ZFHX3: variants seen among roughly 807,000 people sequenced by gnomAD.
The protein encoded by ZFHX3 is zinc finger homeobox 3, also known as zinc finger homeobox protein 3.
In ZFHX3, 42 loss-of-function variants were observed where a neutral mutation model predicts 279.1. The ratio of observed to expected loss-of-function variants is 0.15; its 90% CI spans 0.12 to 0.19. The LOEUF (loss-of-function observed/expected upper bound fraction) is 0.19. Among genes scored for constraint, ZFHX3 ranks in the 10% least tolerant of loss-of-function variants. ZFHX3 has a pLI of 1.00. For synonymous variants in ZFHX3, 2,293 were observed against 1,957.8 expected (o/e 1.17, Z -4.52); for missense variants, 4,981 against 4,754.0 (o/e 1.05, Z -1.40).
chr16:73,870,349 C>T (rs532886369), intron 1 of ZFHX3, among the ~76,000 whole-genome samples: 2 of 152,262 alleles, frequency 1.3e-5, no homozygotes, highest in East Asian at 3.9e-4. Context: ...GCAGCCAATC[C>T]TGGGAATCAC....
chr16:72,949,563 T>A (rs1410177114), intron 3 of ZFHX3, among the ~76,000 whole-genome samples: 2 of 151,856 alleles, frequency 1.3e-5, no homozygotes, highest in Non-Finnish European at 2.9e-5. Context: ...TCCCCCTCGG[T>A]TGCCGTCTAT....
exon 8 of ZFHX3, chr16:73,093,524 T>G (rs1418680898): frequency 2.0e-6 from 1 of 506,060 alleles, no homozygotes. Context: ...CCCTGTCCAC[T>G]CTCGGGCTGT....
intron 6 of ZFHX3, among the ~76,000 whole-genome samples, chr16:73,131,806 C>T (rs1966688565): frequency 6.6e-6 from 1 of 152,152 alleles, no homozygotes; most frequent in African/African-American, 2.4e-5. Context: ...ATGATCTCGG[C>T]AACTCACATT....
At chr16:73,597,362 C>T (rs1282623442) in intron 2 of ZFHX3, among the ~76,000 whole-genome samples, 2 of 152,174 alleles carry the variant, frequency 1.3e-5, no homozygotes, top group African/African-American at 4.8e-5. Flanking sequence ...CCTTCTCTCA[C>T]TCAGGAGGGC....
chr16:73,844,002 A>G, intron 1 of ZFHX3, among the ~76,000 whole-genome samples: 1 of 152,244 alleles, frequency 6.6e-6, no homozygotes, highest in Non-Finnish European at 1.5e-5. Context: ...CTGCCAGGCC[A>G]TACAAAATTA....
intron 3 of ZFHX3, among the ~76,000 whole-genome samples, chr16:72,906,907 G>C (rs2039189420): frequency 6.6e-6 from 1 of 152,188 alleles, no homozygotes; most frequent in African/African-American, 2.4e-5. Context: ...ACTAGAGAGA[G>C]GACTGCCCAG....
chr16:73,523,291 A>G (rs1469882391), intron 2 of ZFHX3, among the ~76,000 whole-genome samples: 2 of 152,224 alleles, frequency 1.3e-5, no homozygotes, highest in African/African-American at 4.8e-5. Context: ...GCTTGGTACA[A>G]TGAGATCTCT....
At chr16:73,197,365 G>A (rs1253693825) in intron 5 of ZFHX3, among the ~76,000 whole-genome samples, 2 of 152,224 alleles carry the variant, frequency 1.3e-5, no homozygotes, top group Admixed American at 1.3e-4. Flanking sequence ...ATGAGCACAT[G>A]AAGTAGAGGA....
At chr16:72,821,310 T>G (rs919463405) in intron 5 of ZFHX3, among the ~76,000 whole-genome samples, 3 of 152,194 alleles carry the variant, frequency 2.0e-5, no homozygotes, top group African/African-American at 7.2e-5. Context: ...TTCTCCACTT[T>G]CCCCTCCAGA....
intron 1 of ZFHX3, chr16:73,015,898 C>A (rs1964085518): frequency 6.6e-6 from 1 of 152,240 alleles, no homozygotes; most frequent in Non-Finnish European, 1.5e-5. Flanking sequence ...TCCAGGGGAG[C>A]CAGCTTTCCA....
chr16:73,698,528 G>A (rs747685383), intron 1 of ZFHX3, among the ~76,000 whole-genome samples: 10 of 152,126 alleles, frequency 6.6e-5, no homozygotes, highest in Admixed American at 5.9e-4. Context: ...CCAAGATAAC[G>A]TCGTCAGTAA....
At chr16:73,714,441 A>G (rs2053394805) in intron 1 of ZFHX3, among the ~76,000 whole-genome samples, 1 of 152,092 alleles carries the variant, frequency 6.6e-6, no homozygotes, top group Non-Finnish European at 1.5e-5. Context: ...GAGACTGGCT[A>G]GATCTGGGAG....
chr16:73,047,050 T>C (rs1345352908), intron 1 of ZFHX3, among the ~76,000 whole-genome samples: 1 of 152,236 alleles, frequency 6.6e-6, no homozygotes, highest in African/African-American at 2.4e-5. Flanking sequence ...TTTCCTATCA[T>C]AACACAGGTG....
chr16:73,019,713 G>A (rs561451831), intron 1 of ZFHX3, among the ~76,000 whole-genome samples: 5 of 152,268 alleles, frequency 3.3e-5, no homozygotes, highest in African/African-American at 9.6e-5. Flanking sequence ...CCCTGAGCCC[G>A]TTCCTAGAGA....
intron 7 of ZFHX3, among the ~76,000 whole-genome samples, chr16:73,114,611 C>T (rs1218446732): frequency 1.3e-5 from 2 of 152,000 alleles, no homozygotes; most frequent in African/African-American, 2.4e-5. Context: ...CCCAGGAGGT[C>T]GAGGCTGTAG....
chr16:73,282,982 C>G (rs2014495223), intron 4 of ZFHX3, among the ~76,000 whole-genome samples: 1 of 152,198 alleles, frequency 6.6e-6, no homozygotes, highest in Non-Finnish European at 1.5e-5. Flanking sequence ...AAACCACATT[C>G]CTGCCCTCAT....
At chr16:73,536,966 T>G (rs1390710576) in intron 2 of ZFHX3, among the ~76,000 whole-genome samples, 1 of 152,176 alleles carries the variant, frequency 6.6e-6, no homozygotes, top group Non-Finnish European at 1.5e-5. Flanking sequence ...ACTCACACAG[T>G]GAGCAGCGGC....
chr16:73,529,183 C>T (rs207476157), intron 2 of ZFHX3, among the ~76,000 whole-genome samples: 1 of 152,176 alleles, frequency 6.6e-6, no homozygotes, highest in Non-Finnish European at 1.5e-5. Flanking sequence ...TCCTGTATTT[C>T]ATTCCGCCAG....
chr16:73,064,773 T>G (rs1309694632), intron 8 of ZFHX3, among the ~76,000 whole-genome samples: 1 of 152,174 alleles, frequency 6.6e-6, no homozygotes, highest in African/African-American at 2.4e-5. Context: ...TTGAGTCAGA[T>G]TCCCAGTTTC....
Sources: gnomAD v4.1 joint callset for allele counts (sites outside exome capture counted in the v4.1 genomes callset) on GRCh38, gnomAD v4.1.1 for gene constraint, MANE v1.5 for transcripts, NCBI Gene and HGNC (gene_info 2026-07-23, HGNC 2026-07-21) for gene names.